The following NAALADL2 variants were observed in gnomAD, a reference collection of about 807,000 sequenced individuals.
NAALADL2 encodes the protein N-acetylated alpha-linked acidic dipeptidase like 2, also known as inactive N-acetylated-alpha-linked acidic dipeptidase-like protein 2.
In NAALADL2, 76 loss-of-function variants were observed where a neutral mutation model predicts 87.2. The observed-to-expected ratio is 0.87, with a 90% CI of 0.72 to 1.05. The LOEUF (loss-of-function observed/expected upper bound fraction) is 1.05, where lower values mean the gene tolerates loss of function less well. Ranked by LOEUF, NAALADL2 falls within the 50% of genes least tolerant of loss-of-function variation. NAALADL2 has a pLI of 0.00. For synonymous variants in NAALADL2, 354 were observed against 331.0 expected (o/e 1.07, Z -0.75); for missense variants, 1,089 against 945.8 (o/e 1.15, Z -1.99).
chr3:174,955,248 G>A (rs558922735), intron 1 of NAALADL2, among the ~76,000 whole-genome samples: 7 of 152,188 alleles, frequency 4.6e-5, no homozygotes, highest in African/African-American at 1.4e-4. Context: ...GTTGGCAAGT[G>A]TACCATATCA....
intron 5 of NAALADL2, among the ~76,000 whole-genome samples, chr3:175,344,393 T>A (rs930611191): frequency 1.3e-5 from 2 of 151,550 alleles, no homozygotes; most frequent in African/African-American, 4.9e-5. Context: ...CTTCTCCTTC[T>A]GGTTTCTACA....
chr3:174,786,462 A>AT (rs1716673048), intron 3 of NAALADL2, among the ~76,000 whole-genome samples: 3 of 127,916 alleles, frequency 2.3e-5, no homozygotes, highest in African/African-American at 8.6e-5. Context: ...AAAAAAAAAA[A>AT]AAAATAATAA....
chr3:175,455,243 G>A (rs1476811459), intron 6 of NAALADL2, among the ~76,000 whole-genome samples: 1 of 152,028 alleles, frequency 6.6e-6, no homozygotes, highest in Non-Finnish European at 1.5e-5. Context: ...AACTAAACCC[G>A]AAGCCAAAGA....
intron 10 of NAALADL2, among the ~76,000 whole-genome samples, chr3:175,599,997 A>G (rs775226071): frequency 1.3e-5 from 2 of 152,136 alleles, no homozygotes; most frequent in African/African-American, 2.4e-5. Context: ...ATTGAAATTC[A>G]ATAAAATAAA....
intron 2 of NAALADL2, among the ~76,000 whole-genome samples, chr3:174,650,261 T>C (rs2108753328): frequency 6.6e-6 from 1 of 152,234 alleles, no homozygotes; most frequent in Non-Finnish European, 1.5e-5. Context: ...ACATTGAATG[T>C]CTATAAAATA....
intron 11 of NAALADL2, among the ~76,000 whole-genome samples, chr3:175,630,905 A>G (rs12491616): frequency 2.6e-5 from 4 of 151,342 alleles, no homozygotes; most frequent in Admixed American, 1.3e-4. Flanking sequence ...TATTACTAGT[A>G]TTATGTCAAT....
At chr3:174,551,893 G>A (rs1168862403) in intron 2 of NAALADL2, among the ~76,000 whole-genome samples, 7 of 152,156 alleles carry the variant, frequency 4.6e-5, no homozygotes, top group African/African-American at 1.7e-4. Flanking sequence ...AAGGAACATT[G>A]GCTTTGGTAT....
chr3:175,416,809 T>C (rs778873395), intron 5 of NAALADL2, among the ~76,000 whole-genome samples: 13 of 151,890 alleles, frequency 8.6e-5, no homozygotes, highest in Non-Finnish European at 1.8e-4. Flanking sequence ...CTGAGATGAT[T>C]GCAAAAAAAA....
chr3:175,406,209 A>G (rs79775875), intron 5 of NAALADL2, among the ~76,000 whole-genome samples: 3,772 of 152,318 alleles, frequency 0.025, 91 homozygotes, highest in Non-Finnish European at 0.042. Context: ...TAGGTCAGAG[A>G]GTTGGGCAGG....
chr3:175,478,970 A>G (rs1726083379), intron 9 of NAALADL2, among the ~76,000 whole-genome samples: 3 of 151,888 alleles, frequency 2.0e-5, no homozygotes, highest in Admixed American at 2.0e-4. Flanking sequence ...ATAACACTAC[A>G]ATAGTGATAT....
At chr3:174,893,544 T>G (rs1034142789) in intron 1 of NAALADL2, among the ~76,000 whole-genome samples, 2 of 152,168 alleles carry the variant, frequency 1.3e-5, no homozygotes, top group Non-Finnish European at 2.9e-5. Flanking sequence ...AACAAAAAGT[T>G]AAAAAGGGTG....
chr3:175,512,589 G>A (rs1033688536), intron 9 of NAALADL2, among the ~76,000 whole-genome samples: 3 of 152,064 alleles, frequency 2.0e-5, no homozygotes, highest in Non-Finnish European at 2.9e-5. Context: ...GCTTTTCCAC[G>A]ATTATTTTTA....
intron 11 of NAALADL2, among the ~76,000 whole-genome samples, chr3:175,697,011 A>G (rs1737882996): frequency 6.6e-6 from 1 of 152,056 alleles, no homozygotes; most frequent in African/African-American, 2.4e-5. Flanking sequence ...ACCTAAGAAT[A>G]CTGTTACAAT....
intron 3 of NAALADL2, among the ~76,000 whole-genome samples, chr3:174,803,024 A>G (rs907125797): frequency 2.0e-5 from 3 of 152,126 alleles, no homozygotes; most frequent in African/African-American, 7.2e-5. Context: ...GTCAAATGAT[A>G]TTTCTAGTTC....
chr3:175,732,748 C>T (rs774769110), intron 11 of NAALADL2, among the ~76,000 whole-genome samples: 3 of 152,002 alleles, frequency 2.0e-5, no homozygotes, highest in African/African-American at 4.8e-5. Flanking sequence ...TTTCAGCACC[C>T]CAACATTGGG....
intron 11 of NAALADL2, among the ~76,000 whole-genome samples, chr3:175,734,149 G>T (rs901851819): frequency 2.0e-5 from 3 of 152,224 alleles, no homozygotes; most frequent in African/African-American, 7.2e-5. Flanking sequence ...GGGACTCTCT[G>T]TGGGGGCTCT....
intron 11 of NAALADL2, among the ~76,000 whole-genome samples, chr3:175,716,060 CAAAT>C (rs1422563892): frequency 6.7e-6 from 1 of 148,984 alleles, no homozygotes; most frequent in East Asian, 2.0e-4. Context: ...CAGCCACACT[CAAAT>C]AACATATATA....
At chr3:174,945,904 G>A (rs1739335358) in intron 1 of NAALADL2, among the ~76,000 whole-genome samples, 1 of 152,000 alleles carries the variant, frequency 6.6e-6, no homozygotes, top group Admixed American at 6.6e-5. Flanking sequence ...ATATTAGCCA[G>A]GTGTGGTGGC....
chr3:174,560,070 A>C (rs930084708), intron 2 of NAALADL2, among the ~76,000 whole-genome samples: 17 of 152,276 alleles, frequency 1.1e-4, no homozygotes, highest in African/African-American at 3.9e-4. Context: ...TAGAATTTTA[A>C]GTTTTAGATA....
Sources: allele counts gnomAD v4.1 joint callset (sites outside exome capture counted in the v4.1 genomes callset), GRCh38; gene constraint gnomAD v4.1.1; transcripts MANE v1.5; gene names NCBI Gene and HGNC (gene_info 2026-07-23, HGNC 2026-07-21).